The following PCDHGA9 variants were observed in gnomAD, a reference collection of about 807,000 sequenced individuals.
The protein encoded by PCDHGA9 is protocadherin gamma subfamily A, 9.
Under a neutral mutation model 62.5 loss-of-function variants are expected in PCDHGA9, and 37 were observed. The ratio of observed to expected loss-of-function variants is 0.59; its 90% CI spans 0.46 to 0.78. The LOEUF is 0.78. Among genes scored for constraint, PCDHGA9 ranks in the 30% least tolerant of loss-of-function variants. PCDHGA9 has a pLI of 0.00. For missense variants in PCDHGA9, 1,138 were observed against 1,166.2 expected (o/e 0.98, Z 0.35); for synonymous variants, 459 against 484.6 (o/e 0.95, Z 0.69).
At chr5:141,434,392 C>T (rs906051301) in intron 1 of PCDHGA9, among the ~76,000 whole-genome samples, 4 of 152,210 alleles carry the variant, frequency 2.6e-5, no homozygotes, top group African/African-American at 9.6e-5. Context: ...TGGCCATAAA[C>T]AAAATCTCTG....
intron 1 of PCDHGA9, chr5:141,413,000 A>G: frequency 1.7e-6 from 1 of 587,734 alleles, no homozygotes; most frequent in Admixed American, 3.6e-5. Context: ...CCGGATTCTC[A>G]GGGCTTCAAC....
chr5:141,422,670 C>T, intron 1 of PCDHGA9: 1 of 1,607,244 alleles, frequency 6.2e-7, no homozygotes, highest in Non-Finnish European at 8.5e-7. Flanking sequence ...TCGACCCGGA[C>T]AGCAAACAGA....
chr5:141,489,483 T>G lies in PCDHGA9; in HGVS notation c.2425-5324T>G. 1.9e-6 allele frequency: 3 copies of G among 1,613,980 alleles called. No individual in the cohort carries two copies. The highest frequency in any genetic ancestry group is 2.5e-6 in the Non-Finnish European group (3 of 1,180,008). ...GCTATTTTTCCCTGAGCTTGATGAG[T>G]GGTGCCCTGGCAGTGAATCAAAAGA... On this transcript the variant is annotated intron_variant, in intron 1 of 3. Coordinates refer to ENST00000573521, the MANE Select transcript of PCDHGA9 (RefSeq NM_018921.3). This position sits in a 1 kb window ranked among gnomAD's most constrained non-coding sequence, Gnocchi z 4.5.
In PCDHGA9 at chr5:141,404,606, G is replaced by T; in HGVS notation, c.1654G>T (p.Val552Phe). ...CAGCAATGTGTCATTGAGACTGTTT[G>T]TTTTGGACCAGAATGACAATGCCCC... The part of the protein sequence containing the change: ...LSSNVSLRLF[V>F]LDQNDNAPEI... The change falls in exon 1 of 4, where the codon GTT becomes TTT. Residue 552 changes from valine to phenylalanine, a missense_variant. Transcript: ENST00000573521. 6.2e-7 allele frequency: 1 copy of T among 1,614,106 alleles called. No homozygotes were observed. The highest frequency in any genetic ancestry group is 8.5e-7 in the Non-Finnish European group (1 of 1,179,952).
At chr5:141,408,856 G>A (rs750037212) in intron 1 of PCDHGA9, 1 of 1,613,518 alleles carries the variant, frequency 6.2e-7, no homozygotes, top group Non-Finnish European at 8.5e-7. Flanking sequence ...TGGACGGAGG[G>A]GACCCACCAA....
At position 141,431,363 on chromosome 5, in the gene PCDHGA9, C is replaced by T. The variant is rs765751691; in HGVS notation, c.2424+25987C>T. On this transcript the variant is annotated intron_variant, in intron 1 of 3. Transcript: ENST00000573521. The surrounding 1 kb of genome is among the most constrained non-coding windows in gnomAD (Gnocchi z 4.8). The stretch of plus-strand genomic sequence containing the variant: ...ATTGGTGCTGAAACGCGCCCTGGAC[C>T]GCGAAGAAAAGGCTGCTCACCACCT... 1 of 1,614,024 alleles carries T rather than the reference C, an allele frequency of 6.2e-7. No homozygotes were observed. The highest frequency in any genetic ancestry group is 2.2e-5 in the East Asian group (1 of 44,882).
At chr5:141,422,032 G>A in intron 1 of PCDHGA9, 1 of 1,611,280 alleles carries the variant, frequency 6.2e-7, no homozygotes, top group Non-Finnish European at 8.5e-7. Context: ...TAATGCAACG[G>A]ATCCAGACGA....
Position 141,491,401 on chromosome 5 carries a change from G to A in PCDHGA9, c.2425-3406G>A. The A allele has an allele frequency of 6.2e-7, 1 of 1,614,100 alleles. No homozygotes were observed. ...GTCAGCGAAGTGCCTTCAGGGAAAC[G>A]CAGACGGGGACGGGGGTGGAGGGCA... On this transcript the variant is annotated intron_variant, in intron 1 of 3. Transcript: ENST00000573521. This position sits in a 1 kb window ranked among gnomAD's most constrained non-coding sequence, Gnocchi z 6.9.
chr5:141,420,920 A>G, intron 1 of PCDHGA9: 1 of 338,894 alleles, frequency 3.0e-6, no homozygotes, highest in Middle Eastern at 8.3e-4. Flanking sequence ...GTGATTCACA[A>G]AGGTGAGCGT....
At chr5:141,423,591 A>G in intron 1 of PCDHGA9, 1 of 1,613,312 alleles carries the variant, frequency 6.2e-7, no homozygotes, top group South Asian at 1.1e-5. Context: ...GCTGTGAGAA[A>G]AGCGAGCCAC....
chr5:141,432,035 G>C lies in PCDHGA9; in HGVS notation c.2424+26659G>C. 6 of 1,614,218 alleles carry C rather than the reference G, an allele frequency of 3.7e-6. No homozygotes were observed. Among genetic ancestry groups the C allele is most frequent in the Non-Finnish European group, 5.1e-6 (6 of 1,180,046 alleles). ...CTACAACATCACAGTGACCGCCACT[G>C]ACCGGGGAACCCCGCCCCTATCCAC... On this transcript the variant is annotated intron_variant, in intron 1 of 3. Coordinates refer to ENST00000573521, the MANE Select transcript of PCDHGA9 (RefSeq NM_018921.3). The surrounding 1 kb of genome is among the most constrained non-coding windows in gnomAD (Gnocchi z 6.0).
chr5:141,434,714 G>A (rs1333237898), intron 1 of PCDHGA9, among the ~76,000 whole-genome samples: 1 of 151,564 alleles, frequency 6.6e-6, no homozygotes, highest in Non-Finnish European at 1.5e-5. Context: ...GTAAATCTCT[G>A]TTCAGGGCTC....
Position 141,410,674 on chromosome 5 carries a change from A to G in PCDHGA9, c.2424+5298A>G. 3.2e-6 allele frequency: 5 copies of G among 1,551,418 alleles called. No homozygotes were observed. In the South Asian group the frequency reaches 3.6e-5, roughly 11 times the overall value. On this transcript the variant is annotated intron_variant, in intron 1 of 3. Coordinates refer to ENST00000573521, the MANE Select transcript of PCDHGA9 (RefSeq NM_018921.3). ...ATCTAATAGTCTACTAGTTTCTCATATTTTAGGCATACTACTTTATTTTCA... is the reference window on the plus strand; with the variant it reads ...ATCTAATAGTCTACTAGTTTCTCATGTTTTAGGCATACTACTTTATTTTCA...
chr5:141,448,945 A>G (rs1288079348), intron 1 of PCDHGA9, among the ~76,000 whole-genome samples: 1 of 151,716 alleles, frequency 6.6e-6, no homozygotes, highest in Non-Finnish European at 1.5e-5. Context: ...ACTGCAACTC[A>G]AAAAAACAAA....
intron 2 of PCDHGA9, among the ~76,000 whole-genome samples, chr5:141,502,894 G>C (rs1342496006): frequency 6.8e-6 from 1 of 147,968 alleles, no homozygotes; most frequent in Non-Finnish European, 1.5e-5. Context: ...AGGGAGTCTA[G>C]CTCTGTTGCC....
chr5:141,421,537 T>C (rs11167744), intron 1 of PCDHGA9: 139,246 of 1,613,908 alleles, frequency 0.086, 6,702 homozygotes, highest in East Asian at 0.14. Context: ...GTCCTCCTGT[T>C]TTTTAAATAT....
At chr5:141,441,793 C>T (rs961624726) in intron 1 of PCDHGA9, 7 of 391,390 alleles carry the variant, frequency 1.8e-5, no homozygotes, top group Non-Finnish European at 3.6e-5. Flanking sequence ...AATGACAACG[C>T]ACCGCGGGTG....
chr5:141,407,139 A>G lies in PCDHGA9; in HGVS notation c.2424+1763A>G, dbSNP rs190510544. Among the ~76,000 whole-genome samples, 1,517 of 152,332 alleles carry G rather than the reference A, an allele frequency of 1.0e-2. 33 individuals carry two copies. The highest frequency in any genetic ancestry group is 0.034 in the African/African-American group (1,425 of 41,568). On this transcript the variant is annotated intron_variant, in intron 1 of 3. Coordinates refer to ENST00000573521, the MANE Select transcript of PCDHGA9 (RefSeq NM_018921.3). ...TTTCAGTTGCTTTATTTTTAAGAAA[A>G]AAAAGCTGAAGTGTCTGGGAATCCT...
In PCDHGA9 at chr5:141,485,979, C is replaced by G; in HGVS notation, c.2425-8828C>G. 1 of 1,614,182 alleles carries G rather than the reference C, an allele frequency of 6.2e-7. No individual in the cohort carries two copies. Among genetic ancestry groups the G allele is most frequent in the Non-Finnish European group, 8.5e-7 (1 of 1,180,022 alleles). On this transcript the variant is annotated intron_variant, in intron 1 of 3. Coordinates refer to ENST00000573521, the MANE Select transcript of PCDHGA9 (RefSeq NM_018921.3). The surrounding 1 kb of genome is among the most constrained non-coding windows in gnomAD (Gnocchi z 5.7). ...CTCATCCAGCTCAATGCCTCAGACC[C>G]GGACCTGGGTCCCAGTGGTAACGTC...
Sources: allele counts gnomAD v4.1 joint callset (sites outside exome capture counted in the v4.1 genomes callset), GRCh38; gene constraint gnomAD v4.1.1; non-coding constraint Gnocchi (gnomAD v3.1); transcripts MANE v1.5; gene names NCBI Gene and HGNC (gene_info 2026-07-23, HGNC 2026-07-21).